Variants in ZFTRAF1 observed in about 807,000 individuals in gnomAD.
The protein encoded by ZFTRAF1 is zinc finger TRAF-type and ring finger containing 1, also known as zinc finger TRAF-type-containing protein 1.
the ZFTRAF1 span, chr8:144,456,876 T>G: frequency 7.6e-6 from 1 of 131,614 alleles, no homozygotes; most frequent in African/African-American, 3.0e-5. Flanking sequence ...TCATGGGGGG[T>G]GACATCACGG....
chr8:144,453,091 A>T, the ZFTRAF1 span: 2 of 799,632 alleles, frequency 2.5e-6, no homozygotes, highest in Non-Finnish European at 4.0e-6. Flanking sequence ...TCACTGGGCT[A>T]CACAGGTGGT....
chr8:144,450,720 A>G, the ZFTRAF1 span: 6 of 713,154 alleles, frequency 8.4e-6, 1 homozygote, highest in Non-Finnish European at 7.9e-6. Flanking sequence ...GGCGTCTCAT[A>G]GTACAGGCGC....
chr8:144,451,850 C>T, the ZFTRAF1 span: 1 of 210,960 alleles, frequency 4.7e-6, no homozygotes, highest in Non-Finnish European at 9.8e-6. Flanking sequence ...AGTCGGGCAC[C>T]CTCAGCTTGT....
chr8:144,458,317 C>T, the ZFTRAF1 span, among the ~76,000 whole-genome samples: 2 of 152,236 alleles, frequency 1.3e-5, no homozygotes, highest in South Asian at 4.1e-4. Flanking sequence ...AAATGATAAC[C>T]ACCACAGAAA....
the ZFTRAF1 span, chr8:144,450,245 T>C: frequency 1.6e-6 from 1 of 615,004 alleles, no homozygotes; most frequent in East Asian, 2.8e-5. Flanking sequence ...AGACTTGCCC[T>C]GTGTTGGCTT....
At chr8:144,452,314 C>CA in the ZFTRAF1 span, 2 of 1,540,570 alleles carry the variant, frequency 1.3e-6, no homozygotes, top group Admixed American at 2.0e-5. Context: ...GCCAGCCCCC[C>CA]AACCCACACC....
the ZFTRAF1 span, among the ~76,000 whole-genome samples, chr8:144,459,935 T>C: frequency 6.6e-6 from 1 of 152,134 alleles, no homozygotes; most frequent in African/African-American, 2.4e-5. Flanking sequence ...CAAGGAAAGC[T>C]AGTAGAATAT....
chr8:144,452,183 G>T, the ZFTRAF1 span: 4 of 769,202 alleles, frequency 5.2e-6, no homozygotes, highest in Non-Finnish European at 8.9e-6. Context: ...CTTCCACTCA[G>T]TCTCCGGCCT....
At chr8:144,454,451 G>C in the ZFTRAF1 span, 1 of 152,524 alleles carries the variant, frequency 6.6e-6, no homozygotes, top group Admixed American at 6.5e-5. Flanking sequence ...GGGCCAGCCA[G>C]GAGTGACAGG....
chr8:144,462,384 C>T, the ZFTRAF1 span: 10 of 467,832 alleles, frequency 2.1e-5, no homozygotes, highest in South Asian at 1.7e-4. Flanking sequence ...GCCGCCGCCG[C>T]CGCCGCCTCG....
the ZFTRAF1 span, chr8:144,453,305 C>T: frequency 6.4e-7 from 1 of 1,551,224 alleles, no homozygotes; most frequent in South Asian, 1.2e-5. Flanking sequence ...CTGAAGGCAG[C>T]TCGCTCACGG....
At chr8:144,453,638 G>C in the ZFTRAF1 span, 1 of 605,746 alleles carries the variant, frequency 1.7e-6, no homozygotes, top group Non-Finnish European at 2.9e-6. Flanking sequence ...CTGCTCAGGA[G>C]AAACAGGCAG....
the ZFTRAF1 span, chr8:144,450,223 G>A: frequency 9.4e-5 from 56 of 597,862 alleles, no homozygotes; most frequent in Non-Finnish European, 1.4e-4. Flanking sequence ...GGGCCCCGTC[G>A]CGCACGCATG....
the ZFTRAF1 span, among the ~76,000 whole-genome samples, chr8:144,461,606 G>C: frequency 6.6e-6 from 1 of 152,186 alleles, no homozygotes; most frequent in Non-Finnish European, 1.5e-5. Flanking sequence ...CCTAGCGTGG[G>C]GCATGGCAAG....
the ZFTRAF1 span, chr8:144,457,184 G>A: frequency 6.6e-6 from 1 of 151,782 alleles, no homozygotes; most frequent in Non-Finnish European, 1.5e-5. Flanking sequence ...ATGATGTCAT[G>A]GGGGAATGAC....
chr8:144,453,118 G>A, the ZFTRAF1 span: 2 of 1,039,812 alleles, frequency 1.9e-6, no homozygotes, highest in East Asian at 2.6e-5. Flanking sequence ...GGCCCAGACA[G>A]CAGAGACAGC....
the ZFTRAF1 span, among the ~76,000 whole-genome samples, chr8:144,459,900 C>T: frequency 1.3e-5 from 2 of 152,286 alleles, no homozygotes; most frequent in South Asian, 2.1e-4. Context: ...CTGGCTGGCT[C>T]GAGACAGCCA....
chr8:144,450,112 C>T, the ZFTRAF1 span: 25 of 470,724 alleles, frequency 5.3e-5, no homozygotes, highest in Admixed American at 8.5e-4. Context: ...GTCTCTGAGC[C>T]TCGGGGCGCC....
At chr8:144,453,326 G>C in the ZFTRAF1 span, 1 of 1,551,206 alleles carries the variant, frequency 6.4e-7, no homozygotes, top group South Asian at 1.2e-5. Context: ...CTTTCTCCAC[G>C]GCCAGGTTCC....
Sources: allele counts gnomAD v4.1 joint callset (sites outside exome capture counted in the v4.1 genomes callset), GRCh38; gene constraint gnomAD v4.1.1; transcripts MANE v1.5; gene names NCBI Gene and HGNC (gene_info 2026-07-23, HGNC 2026-07-21).